CCDC169: variants seen among roughly 807,000 people sequenced by gnomAD.
The protein encoded by CCDC169 is coiled-coil domain containing 169.
A neutral mutation model predicts 36.0 loss-of-function variants in CCDC169; 30 were observed. That is an observed-to-expected ratio of 0.83 (90% confidence interval 0.62 to 1.13). CCDC169 has a LOEUF of 1.13. Ranked by LOEUF, CCDC169 falls within the 50% of genes most tolerant of loss-of-function variation. CCDC169 has a pLI of 0.00. For synonymous variants in CCDC169, 85 were observed against 81.5 expected (o/e 1.04, Z -0.23); for missense variants, 245 against 245.9 (o/e 1.00, Z 0.03).
intron 2 of CCDC169, among the ~76,000 whole-genome samples, chr13:36,284,772 T>A (rs1280453272): frequency 6.6e-6 from 1 of 152,208 alleles, no homozygotes; most frequent in Non-Finnish European, 1.5e-5. Context: ...AGGTCTGAAA[T>A]AACTGCTGCT....
chr13:36,296,750 A>G (rs1035531151), intron 1 of CCDC169, among the ~76,000 whole-genome samples: 5 of 152,258 alleles, frequency 3.3e-5, no homozygotes, highest in African/African-American at 1.2e-4. Context: ...TCACAAGCCA[A>G]TGCTAAGTTC....
chr13:36,262,717 G>A (rs1475789743), intron 4 of CCDC169, among the ~76,000 whole-genome samples: 1 of 152,162 alleles, frequency 6.6e-6, no homozygotes. Context: ...TCTGGGCTCT[G>A]CTCTGTGCAT....
intron 2 of CCDC169, among the ~76,000 whole-genome samples, chr13:36,285,438 T>C (rs1002673882): frequency 5.3e-5 from 8 of 152,012 alleles, no homozygotes; most frequent in African/African-American, 1.9e-4. Flanking sequence ...TAATCCCAGC[T>C]ACTCAGGAGG....
At chr13:36,225,906 C>G (rs1401193138), downstream of CCDC169, 1 of 152,148 alleles carries the variant, frequency 6.6e-6, no homozygotes, top group Non-Finnish European at 1.5e-5. Flanking sequence ...TAACACCAGT[C>G]TGAATGGCTA....
At chr13:36,282,432 C>G in intron 4 of CCDC169, 1 of 985,372 alleles carries the variant, frequency 1.0e-6, no homozygotes, top group Non-Finnish European at 1.2e-6. Context: ...TAATTGGACA[C>G]TTCTATCGCT....
chr13:36,257,507 A>G (rs1196884598), intron 4 of CCDC169, among the ~76,000 whole-genome samples: 1 of 139,906 alleles, frequency 7.1e-6, no homozygotes, highest in Non-Finnish European at 1.6e-5. Context: ...AGATCGAGAC[A>G]TCCTGGCCAA....
rs1413761817 is a variant in CCDC169, at chr13:36,281,303, T to A, written c.315+2166A>T. On this transcript the variant is annotated intron_variant, in intron 4 of 7. Transcript: ENST00000239859. ...AAAAGAAAAGAGAAAAAAAAAACTT[T>A]ACTTGTTTAAACCTTTCTCTTACAT... The A allele has an allele frequency of 1.1e-5, 5 of 443,954 alleles. No homozygotes were observed. The Admixed American group carries it at 1.3e-4, about 11-fold the overall frequency. The allele number at this position is 443,954 out of a possible 1,614,324, so 27.5% of individuals were successfully genotyped here.
chr13:36,232,009 T>C (rs1275287079), intron 7 of CCDC169, among the ~76,000 whole-genome samples: 1 of 152,220 alleles, frequency 6.6e-6, no homozygotes, highest in East Asian at 1.9e-4. Context: ...AGCAACTTTA[T>C]CAAAACCCTG....
intron 7 of CCDC169, among the ~76,000 whole-genome samples, chr13:36,235,887 CTT>C (rs1308652033): frequency 6.6e-6 from 1 of 151,896 alleles, no homozygotes; most frequent in African/African-American, 2.4e-5. Context: ...AAATTTAAAA[CTT>C]AATTCTGTTT....
chr13:36,233,075 G>T (rs2138384053), intron 7 of CCDC169, among the ~76,000 whole-genome samples: 1 of 152,288 alleles, frequency 6.6e-6, no homozygotes, highest in African/African-American at 2.4e-5. Context: ...TAAAGAATAA[G>T]GTAGAGTTGT....
chr13:36,227,401 T>C (rs184602518), downstream of CCDC169: 449 of 1,525,174 alleles, frequency 2.9e-4, 2 homozygotes, highest in African/African-American at 5.0e-3. Flanking sequence ...GAGATGTGAA[T>C]AGAACATGAA....
chr13:36,236,339 A>G lies in CCDC169; in HGVS notation c.546-5047T>C, dbSNP rs564966328. Reference sequence around the variant, plus strand: ...GAAACACAACTGGGAGTCTAAGAGTAAACCCATATGTTACGGTCAATTGTT... The same window carrying G: ...GAAACACAACTGGGAGTCTAAGAGTGAACCCATATGTTACGGTCAATTGTT... On this transcript the variant is annotated intron_variant, in intron 7 of 7. Coordinates refer to ENST00000239859, the MANE Select transcript of CCDC169 (RefSeq NM_001144981.3). 1.1e-4 allele frequency among the ~76,000 whole-genome samples: 17 copies of G among 152,230 alleles called. 1 individual carries two copies. The South Asian group carries it at 3.1e-3, about 28-fold the overall frequency.
intron 7 of CCDC169, among the ~76,000 whole-genome samples, chr13:36,239,817 C>A (rs1014811981): frequency 2.3e-5 from 3 of 131,526 alleles, no homozygotes; most frequent in East Asian, 2.2e-4. Flanking sequence ...CCCCCTTTAT[C>A]CATGGTTTTA....
intron 4 of CCDC169, among the ~76,000 whole-genome samples, chr13:36,257,303 T>G (rs1332007373): frequency 6.6e-6 from 1 of 152,176 alleles, no homozygotes; most frequent in Non-Finnish European, 1.5e-5. Context: ...CATAGCCCTG[T>G]GTCCACACAA....
chr13:36,267,492 C>A (rs1875475494), intron 4 of CCDC169, among the ~76,000 whole-genome samples: 1 of 151,996 alleles, frequency 6.6e-6, no homozygotes, highest in Non-Finnish European at 1.5e-5. Context: ...CCAATATGTA[C>A]CAAAACAGAA....
intron 4 of CCDC169, among the ~76,000 whole-genome samples, chr13:36,281,584 G>A (rs759911947): frequency 1.3e-4 from 20 of 152,122 alleles, no homozygotes; most frequent in Middle Eastern, 3.2e-3. Context: ...TGAAACAGGC[G>A]GGGTGTGGTG....
chr13:36,270,937 TAA>T (rs1272470817), intron 4 of CCDC169, among the ~76,000 whole-genome samples: 7 of 152,018 alleles, frequency 4.6e-5, no homozygotes, highest in Non-Finnish European at 5.9e-5. Flanking sequence ...CTAATTAAAC[TAA>T]AAAGCTTCTG....
At chr13:36,263,013 C>G (rs1874786660) in intron 4 of CCDC169, among the ~76,000 whole-genome samples, 1 of 152,092 alleles carries the variant, frequency 6.6e-6, no homozygotes, top group African/African-American at 2.4e-5. Flanking sequence ...CTGGTCAAAC[C>G]AAACCAAAAT....
At chr13:36,269,267 G>A (rs563380345) in intron 4 of CCDC169, among the ~76,000 whole-genome samples, 1 of 152,248 alleles carries the variant, frequency 6.6e-6, no homozygotes, top group East Asian at 1.9e-4. Context: ...CAATGAGATT[G>A]AATCAGTAAT....
Sources: gnomAD v4.1 joint callset for allele counts (sites outside exome capture counted in the v4.1 genomes callset) on GRCh38, gnomAD v4.1.1 for gene constraint, MANE v1.5 for transcripts, NCBI Gene and HGNC (gene_info 2026-07-23, HGNC 2026-07-21) for gene names.